Variants in GPR149 observed in about 807,000 individuals in gnomAD.
GPR149 encodes probable G protein-coupled receptor 149.
GPR149 carries 50 observed loss-of-function variants against 50.2 expected under a neutral mutation model. That is an observed-to-expected ratio of 1.00 (90% CI 0.79 to 1.26). The LOEUF (loss-of-function observed/expected upper bound fraction) is 1.26, where lower values mean the gene tolerates loss of function less well. GPR149 is among the 50% of genes most tolerant of loss of function. The probability of loss-of-function intolerance (pLI) is 0.00; values close to 1 mark genes in which losing one functional copy is unlikely to be tolerated. For missense variants in GPR149, 983 were observed against 895.4 expected (o/e 1.10, Z -1.25); for synonymous variants, 405 against 358.2 (o/e 1.13, Z -1.48).
intron 3 of GPR149, among the ~76,000 whole-genome samples, chr3:154,350,597 G>A (rs894567747): frequency 1.3e-5 from 2 of 152,108 alleles, no homozygotes; most frequent in African/African-American, 4.8e-5. Context: ...TGACAGTAAA[G>A]ATATCAATTC....
At chr3:154,371,634 A>G (rs1296833877) in intron 3 of GPR149, among the ~76,000 whole-genome samples, 1 of 152,202 alleles carries the variant, frequency 6.6e-6, no homozygotes, top group African/African-American at 2.4e-5. Context: ...AGAGCCCTAG[A>G]CTTATTAACA....
At chr3:154,368,190 G>C (rs1559976448) in intron 3 of GPR149, among the ~76,000 whole-genome samples, 2 of 152,230 alleles carry the variant, frequency 1.3e-5, no homozygotes, top group Non-Finnish European at 2.9e-5. Flanking sequence ...GTTACTGAGC[G>C]TGAGACCACC....
intron 3 of GPR149, among the ~76,000 whole-genome samples, chr3:154,410,977 C>T (rs1183510912): frequency 1.3e-5 from 2 of 151,946 alleles, no homozygotes; most frequent in Middle Eastern, 3.4e-3. Context: ...AGAAAATTAA[C>T]ATTATATTAA....
chr3:154,393,210 A>T (rs962872298), intron 3 of GPR149, among the ~76,000 whole-genome samples: 1 of 151,972 alleles, frequency 6.6e-6, no homozygotes, highest in African/African-American at 2.4e-5. Flanking sequence ...AAGTTCAACA[A>T]CTTACTAAGA....
intron 3 of GPR149, among the ~76,000 whole-genome samples, chr3:154,379,922 G>A (rs897075857): frequency 2.6e-5 from 4 of 151,790 alleles, no homozygotes; most frequent in Non-Finnish European, 5.9e-5. Context: ...GATAAATTTG[G>A]GGATATATAT....
chr3:154,368,547 T>C (rs562610022), intron 3 of GPR149, among the ~76,000 whole-genome samples: 3 of 152,364 alleles, frequency 2.0e-5, no homozygotes, highest in African/African-American at 7.2e-5. Context: ...TTAGGGCCTC[T>C]CAAGTACAAT....
At position 154,336,231 on chromosome 3, in the gene GPR149, AT is replaced by A. The variant is rs1213218107; in HGVS notation, c.*1467del. ...AAGATTGAGAAAGTCCATTGAGATA[AT>A]TATTTTGAAAATGACTCATGCTTGT... On this transcript the variant is annotated 3_prime_UTR_variant, in exon 4 of 4. Coordinates refer to ENST00000389740, the MANE Select transcript of GPR149 (RefSeq NM_001038705.3). 6.6e-6 allele frequency: 1 copy of A among 152,108 alleles called. No individual in the cohort carries two copies. The highest frequency in any genetic ancestry group is 1.5e-5 in the Non-Finnish European group (1 of 67,946). The allele number at this position is 152,108 out of a possible 1,614,324, so 9.4% of individuals were successfully genotyped here.
intron 3 of GPR149, among the ~76,000 whole-genome samples, chr3:154,380,150 G>A (rs1714883141): frequency 7.1e-6 from 1 of 140,678 alleles, no homozygotes; most frequent in African/African-American, 2.7e-5. Context: ...ATTTGTGTGT[G>A]TGTGTGTGAG....
intron 1 of GPR149, 68 bp from the exon 2 acceptor site, chr3:154,427,776 A>G: frequency 7.2e-7 from 1 of 1,398,304 alleles, no homozygotes; most frequent in South Asian, 1.4e-5. Context: ...CCTTTTCTCC[A>G]CGCACGCTGC....
chr3:154,360,406 T>C (rs1246212623), intron 3 of GPR149, among the ~76,000 whole-genome samples: 1 of 152,234 alleles, frequency 6.6e-6, no homozygotes, highest in African/African-American at 2.4e-5. Context: ...ACTGTATATC[T>C]AATCACTGCA....
intron 3 of GPR149, among the ~76,000 whole-genome samples, chr3:154,417,080 C>T (rs1712012917): frequency 6.6e-6 from 1 of 151,892 alleles, no homozygotes; most frequent in Non-Finnish European, 1.5e-5. Flanking sequence ...GTCCAATTTT[C>T]TTTATTCATA....
intron 3 of GPR149, among the ~76,000 whole-genome samples, chr3:154,397,997 G>GTAATATCTATGT (rs11272023): frequency 0.96 from 145,216 of 151,616 alleles, 69,648 homozygotes; most frequent in East Asian, 1. Context: ...ACAATACAAA[G>GTAATATCTATGT]TAATATCTAT....
At chr3:154,342,791 A>C (rs1053223816) in intron 3 of GPR149, among the ~76,000 whole-genome samples, 1 of 152,192 alleles carries the variant, frequency 6.6e-6, no homozygotes, top group Non-Finnish European at 1.5e-5. Flanking sequence ...ACAGAAAAAA[A>C]CCCCAGCAGA....
At chr3:154,371,755 T>C (rs1031512107) in intron 3 of GPR149, among the ~76,000 whole-genome samples, 13 of 152,036 alleles carry the variant, frequency 8.6e-5, no homozygotes, top group South Asian at 2.1e-4. Context: ...AAATAGAAAG[T>C]AGAAAAAAGG....
chr3:154,426,186 A>G (rs769422141), intron 2 of GPR149, among the ~76,000 whole-genome samples: 4 of 152,186 alleles, frequency 2.6e-5, no homozygotes, highest in African/African-American at 7.2e-5. Context: ...CATCATTATT[A>G]TAAGTTCTAA....
chr3:154,375,009 T>C (rs1299385483), intron 3 of GPR149, among the ~76,000 whole-genome samples: 1 of 152,206 alleles, frequency 6.6e-6, no homozygotes, highest in Non-Finnish European at 1.5e-5. Context: ...AGAGGTTTGT[T>C]CCTGAAAATT....
chr3:154,412,340 G>A (rs1711859567), intron 3 of GPR149, among the ~76,000 whole-genome samples: 2 of 151,814 alleles, frequency 1.3e-5, no homozygotes. Flanking sequence ...GAAGTCCTAG[G>A]CAAGCAATCA....
chr3:154,353,773 G>A (rs1714146603), intron 3 of GPR149: 3 of 744,362 alleles, frequency 4.0e-6, no homozygotes, highest in Non-Finnish European at 7.2e-6. Flanking sequence ...AAAAAAGAAT[G>A]TCTTTCCTGT....
chr3:154,371,311 T>C (rs1254251747), intron 3 of GPR149, among the ~76,000 whole-genome samples: 3 of 152,194 alleles, frequency 2.0e-5, no homozygotes, highest in Non-Finnish European at 2.9e-5. Context: ...AGCCTATTGA[T>C]GCCTAAATGG....
Sources: allele counts gnomAD v4.1 joint callset (sites outside exome capture counted in the v4.1 genomes callset), GRCh38; gene constraint gnomAD v4.1.1; transcripts MANE v1.5; gene names NCBI Gene and HGNC (gene_info 2026-07-23, HGNC 2026-07-21).